The following EFCAB14 variants were observed in gnomAD, a reference collection of about 807,000 sequenced individuals.
The protein encoded by EFCAB14 is EF-hand calcium-binding domain-containing protein 14.
In EFCAB14, 43 loss-of-function variants were observed where a neutral mutation model predicts 56.5. The ratio of observed to expected loss-of-function variants is 0.76; its 90% CI spans 0.60 to 0.98. The LOEUF (loss-of-function observed/expected upper bound fraction) is 0.98, where lower values mean the gene tolerates loss of function less well. Ranked by LOEUF, EFCAB14 falls within the 50% of genes least tolerant of loss-of-function variation. The probability of loss-of-function intolerance (pLI) is 0.00; values close to 1 mark genes in which losing one functional copy is unlikely to be tolerated. For synonymous variants in EFCAB14, 235 were observed against 212.9 expected, an observed-to-expected ratio of 1.10 and a Z score of -0.90; for missense variants, 538 against 580.3, an observed-to-expected ratio of 0.93 and a Z score of 0.75.
chr1:46,688,746 G>A (rs561387585), intron 6 of EFCAB14, among the ~76,000 whole-genome samples: 1 of 152,314 alleles, frequency 6.6e-6, no homozygotes, highest in South Asian at 2.1e-4. Flanking sequence ...AGCTAGACAG[G>A]AGGGGGAAAG....
intron 8 of EFCAB14, chr1:46,686,562 C>G (rs1676885393): frequency 5.5e-6 from 3 of 544,586 alleles, no homozygotes; most frequent in African/African-American, 3.8e-5. Flanking sequence ...GTCTGCCTTG[C>G]TCACTATGGT....
rs144272863 is a variant in EFCAB14 at position 46,678,442 on chromosome 1, T to C, written c.*19A>G. The C allele has an allele frequency of 2.3e-4, 375 of 1,613,626 alleles. 7 individuals are homozygous for C. The East Asian group carries it at 8.2e-3, about 35-fold the overall frequency. The stretch of plus-strand genomic sequence containing the variant: ...AAATAGATATTAGGCAGTCCATTTC[T>C]AAAATATGCCTGATGAAGCTAGATA... On this transcript the variant is annotated 3_prime_UTR_variant, in exon 11 of 11. Transcript: ENST00000371933.
intron 2 of EFCAB14, among the ~76,000 whole-genome samples, chr1:46,709,970 C>T (rs555655245): frequency 2.0e-5 from 3 of 152,044 alleles, no homozygotes; most frequent in South Asian, 4.2e-4. Context: ...CCTGTGCGGC[C>T]GGAGCGAGAC....
intron 1 of EFCAB14, among the ~76,000 whole-genome samples, chr1:46,717,646 T>A (rs552162532): frequency 8.5e-5 from 13 of 152,332 alleles, no homozygotes; most frequent in Non-Finnish European, 1.5e-4. Flanking sequence ...CTCCCTGGGC[T>A]CTTGGCACAT....
chr1:46,691,569 T>C (rs1676992768), intron 5 of EFCAB14, among the ~76,000 whole-genome samples: 1 of 152,236 alleles, frequency 6.6e-6, no homozygotes. Context: ...CCATTTTCTG[T>C]CCTACCCATT....
rs780709066 is a variant in EFCAB14, at chr1:46,691,953, T to C, written c.580-16A>G. ...AAGCTACACTCTGAATGGAAACATA[T>C]AGGAAGGTGTAAAAAAGCTTTAAGA... On this transcript the variant is annotated splice_polypyrimidine_tract_variant and intron_variant, in intron 4 of 10. Transcript: ENST00000371933. 1.1e-5 allele frequency: 17 copies of C among 1,595,926 alleles called. No homozygotes were observed. The highest frequency in any genetic ancestry group is 1.3e-5 in the African/African-American group (1 of 74,166).
intron 3 of EFCAB14, among the ~76,000 whole-genome samples, chr1:46,700,853 A>G (rs1021717034): frequency 6.6e-6 from 1 of 152,174 alleles, no homozygotes. Context: ...ACACACACGC[A>G]TGTTAACCCA....
At chr1:46,681,887 T>C (rs1486586668) in intron 10 of EFCAB14, among the ~76,000 whole-genome samples, 1 of 151,942 alleles carries the variant, frequency 6.6e-6, no homozygotes, top group Non-Finnish European at 1.5e-5. Context: ...TCATCAAATA[T>C]TGATTTAACA....
chr1:46,702,230 T>C lies in EFCAB14; in HGVS notation c.481-5581A>G, dbSNP rs1338567593. Among the ~76,000 whole-genome samples the C allele has an allele frequency of 2.0e-5, 3 of 152,258 alleles. 1 individual carries two copies. The highest frequency in any genetic ancestry group is 4.4e-5 in the Non-Finnish European group (3 of 68,040). ...TTGCTTAATACATCATTTTATACTATGAAGTTGGAAATGCTGCTTTTTTGC... is the reference window on the plus strand; with the variant it reads ...TTGCTTAATACATCATTTTATACTACGAAGTTGGAAATGCTGCTTTTTTGC... On this transcript the variant is annotated intron_variant, in intron 3 of 10. Coordinates refer to ENST00000371933, the MANE Select transcript of EFCAB14 (RefSeq NM_014774.3).
chr1:46,677,451 A>G lies in EFCAB14; in HGVS notation c.*1010T>C, dbSNP rs1220406691. The G allele has an allele frequency of 1.3e-5, 2 of 151,982 alleles. No homozygotes were observed. Among genetic ancestry groups the G allele is most frequent in the African/African-American group, 2.4e-5 (1 of 41,368 alleles). 9.4% of individuals were successfully genotyped at this position (151,982 alleles called of 1,614,324 possible). ...TCAAGGGGTATGGTTTTCTGGGTCA[A>G]AATTAGAAGCACAGCTCTCTTCTAA... On this transcript the variant is annotated 3_prime_UTR_variant, in exon 11 of 11. Transcript: ENST00000371933.
intron 2 of EFCAB14, among the ~76,000 whole-genome samples, chr1:46,712,568 C>T (rs1677325792): frequency 6.6e-6 from 1 of 152,002 alleles, no homozygotes; most frequent in African/African-American, 2.4e-5. Flanking sequence ...CCTTTCCTTG[C>T]AAGTGTCTTG....
intron 3 of EFCAB14, 144 bp downstream of exon 3, chr1:46,707,762 G>A: frequency 1.4e-6 from 1 of 694,050 alleles, no homozygotes; most frequent in Non-Finnish European, 2.2e-6. Flanking sequence ...TAACATGCTG[G>A]GATTACAGTA....
At chr1:46,716,856 T>C (rs1677404774) in intron 1 of EFCAB14, among the ~76,000 whole-genome samples, 1 of 152,244 alleles carries the variant, frequency 6.6e-6, no homozygotes, top group South Asian at 2.1e-4. Context: ...TTGCTCCAGT[T>C]TACTGAAACT....
chr1:46,705,610 G>C (rs115783022), intron 3 of EFCAB14, among the ~76,000 whole-genome samples: 228 of 152,262 alleles, frequency 1.5e-3, no homozygotes, highest in African/African-American at 5.3e-3. Flanking sequence ...GTATGAGTAA[G>C]CCCTGCGATG....
Position 46,684,569 on chromosome 1 carries a change from G to C in EFCAB14, c.1108C>G (p.Leu370Val), listed in dbSNP as rs763498441. 3.7e-6 allele frequency: 6 copies of C among 1,614,064 alleles called. No homozygotes were observed. The change falls in exon 9 of 11, where the codon CTA becomes GTA. Residue 370 changes from leucine to valine, a missense_variant. Physicochemically the swap from Leu to Val is conservative, Grantham distance 32. Transcript: ENST00000371933. ...CTGATCAGCTGGAGTTTCTCTCTTA[G>C]CTTGGATACCTGAGAATTTGAACTA... Reference protein sequence around the residue: ...EDSSNSQVSKLREKLQLISAL... With the variant: ...EDSSNSQVSKVREKLQLISAL...
rs1346308539 is a variant in EFCAB14 at position 46,684,455 on chromosome 1, C to T, written c.1186+36G>A. The T allele has an allele frequency of 2.5e-6, 4 of 1,569,162 alleles. 1 individual carries two copies. The South Asian group carries it at 3.3e-5, about 13-fold the overall frequency. ...CATGTGAGAGGCAAGCTGCTCAAGC[C>T]TCCATGAAATATTAAGAAGCCGGCT... On this transcript the variant is annotated intron_variant, in intron 9 of 10. Coordinates refer to ENST00000371933, the MANE Select transcript of EFCAB14 (RefSeq NM_014774.3).
At chr1:46,688,236 C>A in intron 7 of EFCAB14, 117 bp downstream of exon 7, 1 of 973,958 alleles carries the variant, frequency 1.0e-6, no homozygotes, top group Non-Finnish European at 1.6e-6. Flanking sequence ...GGATTAAGCA[C>A]AACACAAATG....
At chr1:46,683,255 T>C (rs745867037) in intron 10 of EFCAB14, 45 bp downstream of exon 10, 17 of 1,578,386 alleles carry the variant, frequency 1.1e-5, no homozygotes, top group Non-Finnish European at 1.4e-5. Context: ...TAAAAAGTTA[T>C]TACTTTGAAC....
intron 4 of EFCAB14, 171 bp from the exon 5 acceptor site, chr1:46,692,108 T>C: frequency 2.0e-6 from 1 of 499,624 alleles, no homozygotes; most frequent in Non-Finnish European, 3.5e-6. Context: ...AGTTTCCTCA[T>C]GACTCTCTGT....
Sources: gnomAD v4.1 joint callset for allele counts (sites outside exome capture counted in the v4.1 genomes callset) on GRCh38, gnomAD v4.1.1 for gene constraint, MANE v1.5 for transcripts, NCBI Gene and HGNC (gene_info 2026-07-23, HGNC 2026-07-21) for gene names.